Variants in GDPD5 observed in about 807,000 individuals in gnomAD.
GDPD5 encodes glycerophosphodiester phosphodiesterase 2.
GDPD5 carries 48 observed loss-of-function variants against 75.1 expected under a neutral mutation model. That is an observed-to-expected ratio of 0.64 (90% CI 0.51 to 0.81). The LOEUF is 0.81. Ranked by LOEUF, GDPD5 falls within the 40% of genes least tolerant of loss-of-function variation. GDPD5 has a pLI of 0.00. For missense variants in GDPD5, 706 were observed against 822.6 expected, an observed-to-expected ratio of 0.86 and a Z score of 1.73; for synonymous variants, 336 against 339.0, an observed-to-expected ratio of 0.99 and a Z score of 0.10.
intron 2 of GDPD5, among the ~76,000 whole-genome samples, chr11:75,487,429 A>C (rs1456304886): frequency 1.3e-5 from 2 of 152,110 alleles, no homozygotes; most frequent in East Asian, 3.9e-4. Flanking sequence ...GCAGGGAGAG[A>C]GGCTTTGAGG....
intron 6 of GDPD5, among the ~76,000 whole-genome samples, chr11:75,453,516 G>A (rs1032479674): frequency 3.3e-5 from 5 of 152,000 alleles, no homozygotes; most frequent in Admixed American, 3.3e-4. Flanking sequence ...TACTCGGGAG[G>A]CTGAGGCAGG....
rs190131110 is a variant in GDPD5, at chr11:75,468,362, C to G, written c.118-5473G>C. 8.1e-3 allele frequency among the ~76,000 whole-genome samples: 1,233 copies of G among 152,302 alleles called. 14 individuals carry two copies. Among genetic ancestry groups the G allele is most frequent in the South Asian group, 0.039 (188 of 4,826 alleles). On this transcript the variant is annotated intron_variant, in intron 3 of 16. Coordinates refer to ENST00000336898, the MANE Select transcript of GDPD5 (RefSeq NM_030792.8). ...CAGGACACGAGCTCACCCTACTCTACTCCACTGGCTCCTGGGAAGGGGCTT... is the reference window on the plus strand; with the variant it reads ...CAGGACACGAGCTCACCCTACTCTAGTCCACTGGCTCCTGGGAAGGGGCTT...
At chr11:75,452,701 G>T (rs920912387) in intron 6 of GDPD5, 1 of 152,292 alleles carries the variant, frequency 6.6e-6, no homozygotes, top group Admixed American at 6.5e-5. Context: ...TGCATGGAGA[G>T]AAGTCTGAAT....
intron 1 of GDPD5, among the ~76,000 whole-genome samples, chr11:75,515,568 A>G (rs1950621162): frequency 6.6e-6 from 1 of 151,986 alleles, no homozygotes; most frequent in South Asian, 2.1e-4. Flanking sequence ...GGCTCTTAAC[A>G]CCCTGGACAT....
At chr11:75,460,883 C>T (rs1949395904) in intron 4 of GDPD5, among the ~76,000 whole-genome samples, 1 of 151,898 alleles carries the variant, frequency 6.6e-6, no homozygotes, top group Non-Finnish European at 1.5e-5. Context: ...CTCCCCTTGC[C>T]ACCACCCCAA....
intron 3 of GDPD5, among the ~76,000 whole-genome samples, chr11:75,473,195 CTCTCATCATA>C (rs1442445943): frequency 6.6e-6 from 1 of 151,656 alleles, no homozygotes. Context: ...TGATGGGGGG[CTCTCATCATA>C]TCTCATCATA....
intron 1 of GDPD5, among the ~76,000 whole-genome samples, chr11:75,512,323 C>CACACACACAT (rs1433320504): frequency 1.8e-4 from 26 of 148,496 alleles, no homozygotes; most frequent in Non-Finnish European, 3.1e-4. Flanking sequence ...CACACACACA[C>CACACACACAT]ACGAGGGGAG....
intron 11 of GDPD5, 196 bp from the exon 12 acceptor site, chr11:75,442,777 G>C: frequency 1.6e-6 from 1 of 610,386 alleles, no homozygotes; most frequent in Non-Finnish European, 2.9e-6. Context: ...TGCTTACCAA[G>C]AGGACGGAGG....
intron 9 of GDPD5, among the ~76,000 whole-genome samples, chr11:75,445,823 C>A (rs537252120): frequency 5.9e-5 from 9 of 152,178 alleles, no homozygotes; most frequent in Non-Finnish European, 8.8e-5. Context: ...AGAGCTGGGG[C>A]CTCAGTTTCT....
chr11:75,457,656 A>G, intron 5 of GDPD5, 37 bp downstream of exon 5: 1 of 1,567,246 alleles, frequency 6.4e-7, no homozygotes. Context: ...TTCCCCTGGG[A>G]GCAGGGCCAC....
chr11:75,486,577 C>T (rs946521692), intron 2 of GDPD5, among the ~76,000 whole-genome samples: 1 of 152,188 alleles, frequency 6.6e-6, no homozygotes, highest in African/African-American at 2.4e-5. Flanking sequence ...AGGACCAGGG[C>T]CTTTCTGTGG....
intron 4 of GDPD5, among the ~76,000 whole-genome samples, chr11:75,459,315 A>G (rs970560559): frequency 3.3e-5 from 5 of 149,670 alleles, no homozygotes; most frequent in Non-Finnish European, 5.9e-5. Context: ...AGATACAATT[A>G]TAGGGTCAAA....
chr11:75,443,082 G>A, intron 11 of GDPD5, 54 bp downstream of exon 11: 2 of 1,557,722 alleles, frequency 1.3e-6, no homozygotes, highest in Non-Finnish European at 1.7e-6. Flanking sequence ...CTCACTCCTT[G>A]CAGTCCCTGC....
At chr11:75,473,734 C>A (rs1361235384) in intron 3 of GDPD5, among the ~76,000 whole-genome samples, 1 of 152,180 alleles carries the variant, frequency 6.6e-6, no homozygotes, top group Non-Finnish European at 1.5e-5. Flanking sequence ...GACTGAATTC[C>A]TTTCAGTTCC....
chr11:75,464,586 T>C (rs1417750115), intron 3 of GDPD5, among the ~76,000 whole-genome samples: 4 of 152,186 alleles, frequency 2.6e-5, no homozygotes. Flanking sequence ...CACCACTCCT[T>C]GTCATGTGCA....
chr11:75,448,545 C>G (rs1369002179), intron 9 of GDPD5: 1 of 989,744 alleles, frequency 1.0e-6, no homozygotes, highest in Non-Finnish European at 1.2e-6. Context: ...GCGGCGCTGA[C>G]TTTGATCCCT....
chr11:75,451,756 A>C (rs1159586377), intron 6 of GDPD5: 1 of 152,234 alleles, frequency 6.6e-6, no homozygotes, highest in African/African-American at 2.4e-5. Flanking sequence ...CTTGCAATAA[A>C]ACTGATTCCC....
intron 9 of GDPD5, among the ~76,000 whole-genome samples, chr11:75,445,646 T>C (rs1414145343): frequency 6.6e-6 from 1 of 152,162 alleles, no homozygotes; most frequent in Non-Finnish European, 1.5e-5. Flanking sequence ...CCATGGCTGA[T>C]CTCATTCATT....
intron 1 of GDPD5, among the ~76,000 whole-genome samples, chr11:75,504,951 C>T (rs1592148346): frequency 6.6e-6 from 1 of 151,980 alleles, no homozygotes; most frequent in Non-Finnish European, 1.5e-5. Flanking sequence ...CTTGGTGAAA[C>T]CCAGTCTCTA....
Sources: gnomAD v4.1 joint callset for allele counts (sites outside exome capture counted in the v4.1 genomes callset) on GRCh38, gnomAD v4.1.1 for gene constraint, MANE v1.5 for transcripts, NCBI Gene and HGNC (gene_info 2026-07-23, HGNC 2026-07-21) for gene names.